The following ZFP91 variants were observed in gnomAD, a reference collection of about 807,000 sequenced individuals.
ZFP91 encodes the protein E3 ubiquitin-protein ligase ZFP91.
In ZFP91, 7 loss-of-function variants were observed where a neutral mutation model predicts 63.5. That is an observed-to-expected ratio of 0.11 (90% confidence interval 0.06 to 0.21). The LOEUF (loss-of-function observed/expected upper bound fraction) is 0.21, where lower values mean the gene tolerates loss of function less well. Among genes scored for constraint, ZFP91 ranks in the 10% least tolerant of loss-of-function variants. The probability of loss-of-function intolerance (pLI) is 1.00; values close to 1 mark genes in which losing one functional copy is unlikely to be tolerated. For synonymous variants in ZFP91, 330 were observed against 272.1 expected, an observed-to-expected ratio of 1.21 and a Z score of -2.10; for missense variants, 628 against 736.6, an observed-to-expected ratio of 0.85 and a Z score of 1.71.
chr11:58,582,283 A>G (rs564504276), intron 1 of ZFP91, among the ~76,000 whole-genome samples: 37 of 152,350 alleles, frequency 2.4e-4, no homozygotes, highest in African/African-American at 8.4e-4. Context: ...TTTTTTCTAC[A>G]TAATTTAATC....
Position 58,618,439 on chromosome 11 carries a change from CTT to C in ZFP91, c.*735_*736del, listed in dbSNP as rs899438527. On this transcript the variant is annotated 3_prime_UTR_variant, in exon 11 of 11. Transcript: ENST00000316059. ...GGGAGGGGGCTGCCCTCTACAGTCT[CTT>C]TGACTGTAAGACAGGGCTCTGTATC... 5.8e-6 allele frequency: 2 copies of C among 344,054 alleles called. No individual in the cohort carries two copies. The highest frequency in any genetic ancestry group is 4.0e-5 in the Admixed American group (1 of 25,004). The allele number at this position is 344,054 out of a possible 1,614,324, so 21.3% of individuals were successfully genotyped here.
intron 5 of ZFP91, 83 bp from the exon 6 acceptor site, chr11:58,611,521 G>A (rs1275548354): frequency 1.3e-6 from 2 of 1,496,438 alleles, no homozygotes; most frequent in African/African-American, 2.8e-5. Flanking sequence ...ACAAATCAGT[G>A]ATAACTCTAA....
chr11:58,608,849 C>G (rs767912484), intron 2 of ZFP91, among the ~76,000 whole-genome samples: 1 of 152,134 alleles, frequency 6.6e-6, no homozygotes, highest in Non-Finnish European at 1.5e-5. Context: ...TTGATCTGCC[C>G]GCCTTGGCCA....
chr11:58,579,115 TGG>T lies in ZFP91; in HGVS notation c.-160_-159del. ...GTAGCGGACCTTGAGTGGCAGGGGGTGGGGGGGGCGCCCTCGGAGCCGGGCGG... is the reference window on the plus strand; with the variant it reads ...GTAGCGGACCTTGAGTGGCAGGGGGTGGGGGGCGCCCTCGGAGCCGGGCGG... On this transcript the variant is annotated 5_prime_UTR_variant, in exon 1 of 11. Coordinates refer to ENST00000316059, the MANE Select transcript of ZFP91 (RefSeq NM_053023.5). The T allele has an allele frequency of 3.9e-6, 1 of 254,506 alleles. No homozygotes were observed. Among genetic ancestry groups the T allele is most frequent in the Admixed American group, 1.5e-4 (1 of 6,626 alleles). The allele number at this position is 254,506 out of a possible 1,614,324, so 15.8% of individuals were successfully genotyped here.
chr11:58,604,342 C>G (rs542184590), intron 2 of ZFP91, among the ~76,000 whole-genome samples: 3 of 152,238 alleles, frequency 2.0e-5, no homozygotes, highest in Admixed American at 2.0e-4. Context: ...TTGAAGTTAG[C>G]AGCTATAAGC....
At position 58,609,906 on chromosome 11, in the gene ZFP91, C is replaced by A; in HGVS notation, c.447C>A (p.Ser149Arg). The change falls in exon 3 of 11, where the codon AGC becomes AGA. Residue 149 changes from serine (S) to arginine (R), a missense_variant. Ser to Arg is a moderately radical substitution (Grantham distance 110, BLOSUM62 -1). Coordinates refer to ENST00000316059, the MANE Select transcript of ZFP91 (RefSeq NM_053023.5). ...TTTCCATTGCTGCATCTAGACCTAGCCGGGGCTGGCGTAGTAGTAGGACAT... is the reference window on the plus strand; with the variant it reads ...TTTCCATTGCTGCATCTAGACCTAGACGGGGCTGGCGTAGTAGTAGGACAT... ...QEVSIAASRP[S>R]RGWRSSRTSV... The A allele has an allele frequency of 1.2e-6, 2 of 1,614,174 alleles. No individual in the cohort carries two copies. The highest frequency in any genetic ancestry group is 1.3e-5 in the African/African-American group (1 of 75,024).
chr11:58,614,185 C>A lies in ZFP91; in HGVS notation c.988-44C>A, dbSNP rs777359153. On this transcript the variant is annotated intron_variant, in intron 8 of 10. Transcript: ENST00000316059. ...AGCAAAGACAAGTACTTTCAGGAAG[C>A]CTTAATTTTTTTTTTTTCGCCCCTT... 5.4e-6 allele frequency: 7 copies of A among 1,307,122 alleles called. No individual in the cohort carries two copies. The East Asian group carries it at 7.1e-5, about 13-fold the overall frequency. 81.0% of individuals were successfully genotyped at this position (1,307,122 alleles called of 1,614,324 possible). A position where few individuals can be genotyped will look rare whatever the true frequency, so the allele number is the denominator to read the frequency against.
intron 2 of ZFP91, among the ~76,000 whole-genome samples, chr11:58,598,663 A>G (rs373422697): frequency 1.3e-5 from 2 of 151,772 alleles, no homozygotes; most frequent in African/African-American, 4.8e-5. Flanking sequence ...CTTGTTTCCT[A>G]TCTGTTTATG....
At chr11:58,598,265 G>A (rs560641816) in intron 2 of ZFP91, among the ~76,000 whole-genome samples, 1 of 152,032 alleles carries the variant, frequency 6.6e-6, no homozygotes, top group Non-Finnish European at 1.5e-5. Context: ...ATATTTTACA[G>A]TAATGTCATC....
chr11:58,588,545 G>A (rs1855249777), intron 2 of ZFP91, among the ~76,000 whole-genome samples: 1 of 152,040 alleles, frequency 6.6e-6, no homozygotes, highest in South Asian at 2.1e-4. Flanking sequence ...GTTATTAACA[G>A]TTTTCATAGA....
intron 2 of ZFP91, among the ~76,000 whole-genome samples, chr11:58,589,394 A>T (rs1042662788): frequency 6.6e-6 from 1 of 152,154 alleles, no homozygotes; most frequent in Non-Finnish European, 1.5e-5. Context: ...ATTCCCCTTT[A>T]CCAATTAAAT....
At chr11:58,593,365 A>T (rs565541696) in intron 2 of ZFP91, among the ~76,000 whole-genome samples, 1 of 152,272 alleles carries the variant, frequency 6.6e-6, no homozygotes, top group East Asian at 1.9e-4. Flanking sequence ...TTTATACACA[A>T]ATATTTTTCT....
chr11:58,610,614 G>T (rs1264448049), intron 4 of ZFP91, among the ~76,000 whole-genome samples: 2 of 152,138 alleles, frequency 1.3e-5, no homozygotes, highest in African/African-American at 4.8e-5. Context: ...CCAAGGTTTT[G>T]AGATTTTATT....
intron 2 of ZFP91, among the ~76,000 whole-genome samples, chr11:58,598,964 TC>T (rs1249648793): frequency 6.6e-6 from 1 of 151,964 alleles, no homozygotes; most frequent in Non-Finnish European, 1.5e-5. Context: ...TATTCCCCCT[TC>T]CCTCCTGTTC....
intron 2 of ZFP91, among the ~76,000 whole-genome samples, chr11:58,608,052 A>G (rs2509917): frequency 0.043 from 6,593 of 151,820 alleles, 301 homozygotes; most frequent in African/African-American, 0.12. Context: ...CAGAAATGTT[A>G]TTATAGTATG....
rs554147387 is a variant in ZFP91 at position 58,608,175 on chromosome 11, T to C, written c.371-1655T>C. On this transcript the variant is annotated intron_variant, in intron 2 of 10. Transcript: ENST00000316059. ...AACATTCAAAGGGGGATTGGTTTCATAAGTTATATATTTGTGTGTATATAT... is the reference window on the plus strand; with the variant it reads ...AACATTCAAAGGGGGATTGGTTTCACAAGTTATATATTTGTGTGTATATAT... 2.0e-4 allele frequency among the ~76,000 whole-genome samples: 31 copies of C among 152,022 alleles called. No individual in the cohort carries two copies. The East Asian group carries it at 3.7e-3, about 18-fold the overall frequency.
At chr11:58,603,971 G>C (rs563609586) in intron 2 of ZFP91, among the ~76,000 whole-genome samples, 1 of 152,206 alleles carries the variant, frequency 6.6e-6, no homozygotes, top group South Asian at 2.1e-4. Context: ...GATCCCTTTT[G>C]AGTTGATGAT....
rs1565023839 is a variant in ZFP91 at position 58,610,939 on chromosome 11, C to T, written c.618-11C>T. The T allele has an allele frequency of 1.2e-6, 2 of 1,607,182 alleles. No individual in the cohort carries two copies. The highest frequency in any genetic ancestry group is 8.5e-7 in the Non-Finnish European group (1 of 1,177,036). On this transcript the variant is annotated splice_polypyrimidine_tract_variant and intron_variant, in intron 4 of 10. Coordinates refer to ENST00000316059, the MANE Select transcript of ZFP91 (RefSeq NM_053023.5). ...AACCAGAATGTCTCATTTCTATTTA[C>T]TTATTTTTAGTAGTGAAGAGGAAGA...
intron 2 of ZFP91, among the ~76,000 whole-genome samples, chr11:58,606,889 T>G (rs1269808911): frequency 6.6e-6 from 1 of 152,216 alleles, no homozygotes; most frequent in African/African-American, 2.4e-5. Flanking sequence ...TTGTTCATGA[T>G]ATGTGTTTAT....
Sources: allele counts gnomAD v4.1 joint callset (sites outside exome capture counted in the v4.1 genomes callset), GRCh38; gene constraint gnomAD v4.1.1; transcripts MANE v1.5; gene names NCBI Gene and HGNC (gene_info 2026-07-23, HGNC 2026-07-21).